Variants in CSMD1 observed in about 807,000 individuals in gnomAD.
CSMD1 encodes CUB and Sushi multiple domains 1, also known as CUB and sushi domain-containing protein 1.
In CSMD1, 213 loss-of-function variants were observed where a neutral mutation model predicts 417.5. The ratio of observed to expected loss-of-function variants is 0.51; its 90% confidence interval spans 0.46 to 0.57. CSMD1 has a LOEUF of 0.57. Among genes scored for constraint, CSMD1 ranks in the 20% least tolerant of loss-of-function variants. CSMD1 has a pLI of 0.00. For synonymous variants in CSMD1, 2,862 were observed against 1,736.8 expected, an observed-to-expected ratio of 1.65 and a Z score of -16.11; for missense variants, 6,923 against 4,529.7, an observed-to-expected ratio of 1.53 and a Z score of -15.17.
In CSMD1 at chr8:3,151,401, G is replaced by C; in HGVS notation, c.6027C>G (p.Gly2009=). Residue 2009 remains glycine (G), a synonymous_variant, in exon 40 of 70, where the codon GGC becomes GGG. Coordinates refer to ENST00000635120, the MANE Select transcript of CSMD1 (RefSeq NM_033225.6). ...ATTGGTAACATTTTCACTTACCATAGCCGATGGGTAATGAGATCCTCCAGG... is the reference window on the plus strand; with the variant it reads ...ATTGGTAACATTTTCACTTACCATACCCGATGGGTAATGAGATCCTCCAGG... ...DCTWRISLPI[G]YGAHIQFLNF... 5 of 1,602,112 alleles carry C rather than the reference G, an allele frequency of 3.1e-6. No homozygotes were observed. The highest frequency in any genetic ancestry group is 1.3e-5 in the African/African-American group (1 of 74,808).
At chr8:3,889,449 TTCC>T (rs1806793209) in intron 5 of CSMD1, among the ~76,000 whole-genome samples, 1 of 74,064 alleles carries the variant, frequency 1.4e-5, no homozygotes, top group Non-Finnish European at 2.5e-5. Flanking sequence ...CTTCTGATCT[TTCC>T]ATATATATAT....
rs372943652 is a variant in CSMD1, at chr8:4,014,586, T to G, written c.611-16476A>C. Among the ~76,000 whole-genome samples the G allele has an allele frequency of 3.7e-4, 57 of 152,308 alleles. 1 individual carries two copies. The highest frequency in any genetic ancestry group is 1.3e-3 in the African/African-American group (55 of 41,556). On this transcript the variant is annotated intron_variant, in intron 4 of 69. Coordinates refer to ENST00000635120, the MANE Select transcript of CSMD1 (RefSeq NM_033225.6). ...CACCTGGATCATCTCATCTAATCTTTATCACTCCTGTGAGATTAAAAGTAA... is the reference window on the plus strand; with the variant it reads ...CACCTGGATCATCTCATCTAATCTTGATCACTCCTGTGAGATTAAAAGTAA...
rs537754995 is a variant in CSMD1 at position 4,276,171 on chromosome 8, C to T, written c.415+143782G>A. 4.6e-4 allele frequency among the ~76,000 whole-genome samples: 70 copies of T among 152,260 alleles called. No individual in the cohort carries two copies. The South Asian group carries it at 0.012, about 26-fold the overall frequency. ...ATTATGCTATAAAGACACATGCACA[C>T]ATATGCTTATTGCAGCACTGTTCAC... On this transcript the variant is annotated intron_variant, in intron 3 of 69. Transcript: ENST00000635120.
At chr8:3,467,839 G>A (rs1441243018) in intron 12 of CSMD1, among the ~76,000 whole-genome samples, 1 of 152,070 alleles carries the variant, frequency 6.6e-6, no homozygotes, top group East Asian at 1.9e-4. Flanking sequence ...ATAACTTCTT[G>A]TTACATTTTT....
intron 26 of CSMD1, among the ~76,000 whole-genome samples, chr8:3,245,311 C>G (rs938752827): frequency 6.6e-6 from 1 of 152,086 alleles, no homozygotes; most frequent in African/African-American, 2.4e-5. Flanking sequence ...GTACCTGGGT[C>G]CCAGTCACTA....
At chr8:4,387,662 C>G (rs1803547392) in intron 3 of CSMD1, among the ~76,000 whole-genome samples, 1 of 127,984 alleles carries the variant, frequency 7.8e-6, no homozygotes, top group Non-Finnish European at 1.7e-5. Flanking sequence ...AAATGAAAAA[C>G]TACATCAATT....
chr8:4,889,239 C>T (rs1803949957), intron 1 of CSMD1, among the ~76,000 whole-genome samples: 1 of 152,090 alleles, frequency 6.6e-6, no homozygotes, highest in Admixed American at 6.5e-5. Flanking sequence ...ACTCTGAAAA[C>T]ACAAAATTAG....
At chr8:4,754,912 G>C (rs1395991579) in intron 1 of CSMD1, among the ~76,000 whole-genome samples, 1 of 151,816 alleles carries the variant, frequency 6.6e-6, no homozygotes, top group Non-Finnish European at 1.5e-5. Flanking sequence ...TCCAAGGTGG[G>C]TGGATCACAA....
rs528629476 is a variant in CSMD1, at chr8:3,933,268, C to A, written c.818+64635G>T. On this transcript the variant is annotated intron_variant, in intron 5 of 69. Coordinates refer to ENST00000635120, the MANE Select transcript of CSMD1 (RefSeq NM_033225.6). ...TAGAGTACGTGTTAAATTGACTAAT[C>A]TAAAATATTTTGCTTTATTCACTTT... Among the ~76,000 whole-genome samples, 30 of 152,224 alleles carry A rather than the reference C, an allele frequency of 2.0e-4. No homozygotes were observed. The East Asian group carries it at 5.2e-3, about 26-fold the overall frequency.
chr8:3,754,066 A>C (rs756553661), intron 5 of CSMD1, 24 bp from the exon 6 acceptor site: 2 of 1,536,344 alleles, frequency 1.3e-6, no homozygotes, highest in South Asian at 2.2e-5. Context: ...AGAGGAAAAA[A>C]ATCTCCCTTG....
At chr8:4,674,024 G>C (rs1374084290) in intron 1 of CSMD1, among the ~76,000 whole-genome samples, 2 of 152,162 alleles carry the variant, frequency 1.3e-5, no homozygotes, top group Admixed American at 6.5e-5. Flanking sequence ...TACGGTATGA[G>C]AAGTATATCT....
At chr8:3,096,317 G>A (rs906972335) in intron 47 of CSMD1, among the ~76,000 whole-genome samples, 3 of 152,060 alleles carry the variant, frequency 2.0e-5, no homozygotes, top group Non-Finnish European at 2.9e-5. Flanking sequence ...CCCACCTATC[G>A]TGGGACAAAT....
At chr8:4,795,726 C>G (rs748598739) in intron 1 of CSMD1, among the ~76,000 whole-genome samples, 1 of 152,110 alleles carries the variant, frequency 6.6e-6, no homozygotes, top group Non-Finnish European at 1.5e-5. Context: ...GGCATCCTGA[C>G]AGGTCCTCCA....
chr8:3,420,706 T>C (rs948028940), intron 12 of CSMD1, among the ~76,000 whole-genome samples: 4 of 152,210 alleles, frequency 2.6e-5, no homozygotes, highest in Non-Finnish European at 5.9e-5. Context: ...TGGGTCTTAA[T>C]ACCTTTGTCA....
chr8:4,289,417 G>T (rs1316548250), intron 3 of CSMD1, among the ~76,000 whole-genome samples: 1 of 56,102 alleles, frequency 1.8e-5, no homozygotes, highest in Non-Finnish European at 4.6e-5. Flanking sequence ...CAGGGCCTGT[G>T]TTTCTCCTAT....
intron 3 of CSMD1, among the ~76,000 whole-genome samples, chr8:4,198,758 T>C (rs1799483370): frequency 6.6e-6 from 1 of 152,156 alleles, no homozygotes; most frequent in East Asian, 1.9e-4. Flanking sequence ...TCTATGTGAA[T>C]TTTGAAATAC....
At chr8:3,684,764 G>C (rs77429068) in intron 7 of CSMD1, among the ~76,000 whole-genome samples, 3,846 of 152,146 alleles carry the variant, frequency 0.025, 174 homozygotes, top group African/African-American at 0.087. Flanking sequence ...AATAGAGTCA[G>C]AGCTTGACGG....
intron 49 of CSMD1, among the ~76,000 whole-genome samples, chr8:3,078,692 G>A (rs369776409): frequency 6.6e-6 from 1 of 152,136 alleles, no homozygotes; most frequent in Admixed American, 6.5e-5. Context: ...AAAGACTGAA[G>A]GTCTACGTGG....
chr8:3,539,115 G>A (rs776226084), intron 10 of CSMD1, among the ~76,000 whole-genome samples: 4 of 152,102 alleles, frequency 2.6e-5, no homozygotes, highest in South Asian at 2.1e-4. Flanking sequence ...CTGCACCCGC[G>A]GATAGCAGGG....
Sources: allele counts gnomAD v4.1 joint callset (sites outside exome capture counted in the v4.1 genomes callset), GRCh38; gene constraint gnomAD v4.1.1; transcripts MANE v1.5; gene names NCBI Gene and HGNC (gene_info 2026-07-23, HGNC 2026-07-21).